Variants in CNR2 observed in about 807,000 individuals in gnomAD.
CNR2 encodes the protein cannabinoid receptor 2, also known as cannabinoid receptor 2 (macrophage).
For synonymous variants in CNR2, 172 were observed against 182.2 expected, an observed-to-expected ratio of 0.94 and a Z score of 0.45; for missense variants, 379 against 439.9, an observed-to-expected ratio of 0.86 and a Z score of 1.24.
intron 1 of CNR2, among the ~76,000 whole-genome samples, chr1:23,896,997 T>C (rs145951670): frequency 1.2e-3 from 188 of 151,562 alleles, no homozygotes; most frequent in African/African-American, 4.5e-3. Context: ...GCAATTTTCC[T>C]GCCTCAGCCT....
At chr1:23,903,554 C>T (rs1640438574) in intron 1 of CNR2, among the ~76,000 whole-genome samples, 1 of 136,242 alleles carries the variant, frequency 7.3e-6, no homozygotes, top group Non-Finnish European at 1.5e-5. Context: ...GCCTGGGTGA[C>T]AGAGTGAGAC....
At chr1:23,889,903 T>G (rs2501393) in intron 1 of CNR2, among the ~76,000 whole-genome samples, 128,710 of 152,122 alleles carry the variant, frequency 0.85, 54,555 homozygotes, top group Admixed American at 0.86. Flanking sequence ...CAAATTCATG[T>G]CACTGTACCT....
At chr1:23,882,714 G>A (rs1640014328) in intron 1 of CNR2, among the ~76,000 whole-genome samples, 1 of 151,552 alleles carries the variant, frequency 6.6e-6, no homozygotes, top group African/African-American at 2.4e-5. Context: ...CAGCTACTTG[G>A]GAGGCAGAGG....
intron 1 of CNR2, among the ~76,000 whole-genome samples, chr1:23,884,803 A>G (rs1640059008): frequency 2.1e-5 from 1 of 46,640 alleles, no homozygotes; most frequent in African/African-American, 6.4e-5. Flanking sequence ...GCTCAAAAAC[A>G]ATTTTTTTTT....
At chr1:23,904,318 C>CGCCT (rs1451910895) in intron 1 of CNR2, among the ~76,000 whole-genome samples, 1 of 151,540 alleles carries the variant, frequency 6.6e-6, no homozygotes, top group East Asian at 1.9e-4. Context: ...GGATTACAGG[C>CGCCT]GCCTGCCACC....
chr1:23,878,230 G>T (rs1031300039), intron 1 of CNR2, among the ~76,000 whole-genome samples: 1 of 151,954 alleles, frequency 6.6e-6, no homozygotes, highest in African/African-American at 2.4e-5. Flanking sequence ...GCTGGATGGT[G>T]GTGCATGCCT....
rs767985981 is a variant in CNR2, at chr1:23,875,288, A to C, written c.330T>G (p.Ile110Met). ...VDSKAVFLLKIGSVTMTFTAS... is the reference protein window; with the variant it reads ...VDSKAVFLLKMGSVTMTFTAS... ...CTGTGAAGGTCATAGTCACGCTGCC[A>C]ATCTTCAGCAGGAAGACAGCCTTGG... The change falls in exon 2 of 2, where the codon ATT becomes ATG. Residue 110 changes from isoleucine to methionine, a missense_variant. Transcript: ENST00000374472. 36 of 1,614,128 alleles carry C rather than the reference A, an allele frequency of 2.2e-5. No homozygotes were observed. The highest frequency in any genetic ancestry group is 3.0e-5 in the Non-Finnish European group (35 of 1,180,062).
At position 23,874,356 on chromosome 1, in the gene CNR2, A is replaced by AG; in HGVS notation, c.*178dup. 1 of 660,742 alleles carries AG rather than the reference A, an allele frequency of 1.5e-6. No individual in the cohort carries two copies. The highest frequency in any genetic ancestry group is 2.6e-6 in the Non-Finnish European group (1 of 388,588). 40.9% of individuals were successfully genotyped at this position (660,742 alleles called of 1,614,324 possible). On this transcript the variant is annotated 3_prime_UTR_variant, in exon 2 of 2. Coordinates refer to ENST00000374472, the MANE Select transcript of CNR2 (RefSeq NM_001841.3). ...CCTACCTATCCAACAGACTGTGTGC[A>AG]GGTGGGCAAGGCCAGGCTGTCTTCC...
intron 1 of CNR2, among the ~76,000 whole-genome samples, chr1:23,876,610 C>T (rs911691672): frequency 6.6e-5 from 10 of 151,634 alleles, no homozygotes; most frequent in African/African-American, 9.7e-5. Flanking sequence ...CTAAGGAAGG[C>T]GGATCATGAG....
chr1:23,882,319 C>A (rs1053464033), intron 1 of CNR2, among the ~76,000 whole-genome samples: 1 of 152,052 alleles, frequency 6.6e-6, no homozygotes, highest in African/African-American at 2.4e-5. Context: ...GTTCCTCAAA[C>A]CTATGATGAC....
At chr1:23,901,181 C>T (rs1640392447) in intron 1 of CNR2, among the ~76,000 whole-genome samples, 5 of 152,094 alleles carry the variant, frequency 3.3e-5, no homozygotes, top group Admixed American at 3.3e-4. Context: ...CATGCAACCC[C>T]TCAAAGCAGG....
At chr1:23,909,362 C>T (rs1031680673) in intron 1 of CNR2, among the ~76,000 whole-genome samples, 7 of 152,160 alleles carry the variant, frequency 4.6e-5, no homozygotes, top group Non-Finnish European at 5.9e-5. Flanking sequence ...GAGACCTGAT[C>T]TTACTCTTCT....
chr1:23,901,579 C>A (rs372094070), intron 1 of CNR2: 20 of 1,613,014 alleles, frequency 1.2e-5, no homozygotes, highest in Non-Finnish European at 1.6e-5. Context: ...ACTGCACTTG[C>A]GTCATCCCCT....
At chr1:23,906,316 T>C (rs1191370924) in intron 1 of CNR2, among the ~76,000 whole-genome samples, 1 of 152,006 alleles carries the variant, frequency 6.6e-6, no homozygotes, top group Non-Finnish European at 1.5e-5. Context: ...ATGGGAATAA[T>C]GAAAATACCT....
intron 1 of CNR2, among the ~76,000 whole-genome samples, chr1:23,886,558 C>T (rs1006386796): frequency 1.3e-5 from 2 of 152,216 alleles, no homozygotes; most frequent in Non-Finnish European, 2.9e-5. Context: ...AGCCAGCCAC[C>T]GCCACCCCCA....
rs114751105 is a variant in CNR2, at chr1:23,883,929, T to C, written c.-45-8267A>G. 5.6e-3 allele frequency among the ~76,000 whole-genome samples: 859 copies of C among 152,190 alleles called. 9 individuals carry two copies. Among genetic ancestry groups the C allele is most frequent in the African/African-American group, 0.02 (820 of 41,512 alleles). ...CCTTAAGGAGAGTTTAGAGGATTTA[T>C]GAGTAGATAAAAGTGAAGAGAACTT... is the stretch of plus-strand genomic sequence containing the variant. On this transcript the variant is annotated intron_variant, in intron 1 of 1. Coordinates refer to ENST00000374472, the MANE Select transcript of CNR2 (RefSeq NM_001841.3).
rs60331310 is a variant in CNR2 at position 23,872,132 on chromosome 1, C to CAAAAAAAAAAAAA, written c.*2390_*2402dup. 3 of 46,416 alleles carry CAAAAAAAAAAAAA rather than the reference C, an allele frequency of 6.5e-5. 1 individual carries two copies. The highest frequency in any genetic ancestry group is 2.4e-4 in the African/African-American group (3 of 12,314). The allele number at this position is 46,416 out of a possible 1,614,324, so 2.9% of individuals were successfully genotyped here. A position where few individuals can be genotyped will look rare whatever the true frequency, so the allele number is the denominator to read the frequency against. ...TGGACAACAGAATGAGATTCCGTCT[C>CAAAAAAAAAAAAA]AAAAAAAAAAAAAAAAAAAAAAAAG... On this transcript the variant is annotated 3_prime_UTR_variant, in exon 2 of 2. Transcript: ENST00000374472.
Position 23,871,712 on chromosome 1 carries a change from C to G in CNR2, c.*2823G>C, listed in dbSNP as rs1443131233. On this transcript the variant is annotated 3_prime_UTR_variant, in exon 2 of 2. Coordinates refer to ENST00000374472, the MANE Select transcript of CNR2 (RefSeq NM_001841.3). ...AATAGTGTCCGCCTAAACTTCTTGT[C>G]CACCTGGAATCTGTGAATGTGACCT... 6.6e-6 allele frequency: 1 copy of G among 152,176 alleles called. No homozygotes were observed. The highest frequency in any genetic ancestry group is 1.5e-5 in the Non-Finnish European group (1 of 68,070). 9.4% of individuals were successfully genotyped at this position (152,176 alleles called of 1,614,324 possible).
chr1:23,901,925 G>C, intron 1 of CNR2: 1 of 1,603,236 alleles, frequency 6.2e-7, no homozygotes, highest in Non-Finnish European at 8.5e-7. Context: ...GCACCTCTGC[G>C]GGGTGAGGCC....
Sources: allele counts gnomAD v4.1 joint callset (sites outside exome capture counted in the v4.1 genomes callset), GRCh38; gene constraint gnomAD v4.1.1; transcripts MANE v1.5; gene names NCBI Gene and HGNC (gene_info 2026-07-23, HGNC 2026-07-21).